APBA2: variants seen among roughly 807,000 people sequenced by gnomAD.
The protein encoded by APBA2 is amyloid-beta A4 precursor protein-binding family A member 2.
Under a neutral mutation model 75.0 loss-of-function variants are expected in APBA2, and 30 were observed. The ratio of observed to expected loss-of-function variants is 0.40; its 90% CI spans 0.30 to 0.54. The LOEUF (loss-of-function observed/expected upper bound fraction) is 0.54. Ranked by LOEUF, APBA2 falls within the 20% of genes least tolerant of loss-of-function variation. The probability of loss-of-function intolerance (pLI) is 0.49; values close to 1 mark genes in which losing one functional copy is unlikely to be tolerated. For missense variants in APBA2, 801 were observed against 1,016.1 expected (o/e 0.79, Z 2.88); for synonymous variants, 444 against 409.6 (o/e 1.08, Z -1.01).
intron 3 of APBA2, among the ~76,000 whole-genome samples, chr15:29,033,619 A>G (rs1029857264): frequency 3.9e-5 from 6 of 152,058 alleles, no homozygotes; most frequent in African/African-American, 1.4e-4. Flanking sequence ...ATACTTAACA[A>G]TGACAGTTTC....
At chr15:28,921,923 A>G (rs1347153438) in intron 2 of APBA2, among the ~76,000 whole-genome samples, 174 bp downstream of exon 2, 1 of 152,220 alleles carries the variant, frequency 6.6e-6, no homozygotes. Context: ...CTGCTTTCAC[A>G]AACTTCACAT....
At chr15:29,070,730 G>C (rs1313725672) in intron 4 of APBA2, 1 of 227,654 alleles carries the variant, frequency 4.4e-6, no homozygotes, top group Non-Finnish European at 8.8e-6. Flanking sequence ...TCTGACCAGG[G>C]GGTCATGCTC....
chr15:29,027,393 C>T (rs1398227925), intron 3 of APBA2, among the ~76,000 whole-genome samples: 2 of 152,150 alleles, frequency 1.3e-5, no homozygotes, highest in East Asian at 3.9e-4. Flanking sequence ...ACATTTCATT[C>T]AGTTAGATTT....
At chr15:28,892,102 T>G in intron 1 of APBA2, among the ~76,000 whole-genome samples, 1 of 151,706 alleles carries the variant, frequency 6.6e-6, no homozygotes, top group African/African-American at 2.4e-5. Flanking sequence ...TGAGACGGAG[T>G]CTCGCCCTGT....
At chr15:28,887,304 T>C (rs1312349448) in intron 1 of APBA2, among the ~76,000 whole-genome samples, 2 of 152,352 alleles carry the variant, frequency 1.3e-5, no homozygotes, top group African/African-American at 2.4e-5. Context: ...CCTGTGCCTC[T>C]TTCTGTTTTT....
intron 2 of APBA2, among the ~76,000 whole-genome samples, chr15:28,982,793 C>T (rs2037694686): frequency 6.6e-6 from 1 of 152,218 alleles, no homozygotes; most frequent in African/African-American, 2.4e-5. Flanking sequence ...AAGTGTTCTT[C>T]CCAAGCTTGG....
Position 29,074,998 on chromosome 15 carries a change from A to T in APBA2, c.1029A>T (p.Pro343=). 1 of 1,613,316 alleles carries T rather than the reference A, an allele frequency of 6.2e-7. No homozygotes were observed. Among genetic ancestry groups the T allele is most frequent in the Non-Finnish European group, 8.5e-7 (1 of 1,179,468 alleles). ...LNGPVDNNNI[P]ETKKVASFPS... is the part of the protein sequence containing the mutation. ...GACCTGTTGACAATAACAACATTCC[A>T]GAGGTAATTTTTTTCAAGGATGAGA... Residue 343 remains proline (P), a synonymous_variant, in exon 5 of 15, where the codon CCA becomes CCT. Transcript: ENST00000683413.
chr15:28,926,860 T>C (rs1343003079), intron 2 of APBA2, among the ~76,000 whole-genome samples: 7 of 148,712 alleles, frequency 4.7e-5, no homozygotes, highest in Non-Finnish European at 7.5e-5. Context: ...TCTCTCTCTT[T>C]TTTTTTTTTT....
intron 1 of APBA2, among the ~76,000 whole-genome samples, chr15:28,887,927 C>T (rs36146710): frequency 0.45 from 67,887 of 151,766 alleles, 15,486 homozygotes; most frequent in Non-Finnish European, 0.47. Context: ...CTGCCGGTCT[C>T]CTGGGCTCCT....
chr15:29,005,406 ACACACCAC>A (rs2039062641), intron 3 of APBA2, among the ~76,000 whole-genome samples: 1 of 152,026 alleles, frequency 6.6e-6, no homozygotes, highest in Admixed American at 6.6e-5. Context: ...GACCTCAGGC[ACACACCAC>A]CACACCCAGC....
intron 14 of APBA2, among the ~76,000 whole-genome samples, chr15:29,115,474 C>A (rs945263496): frequency 2.0e-5 from 3 of 152,088 alleles, no homozygotes; most frequent in African/African-American, 7.2e-5. Context: ...GCCAGTGTTC[C>A]CAAGTAGATG....
At chr15:28,909,909 C>T (rs2152647779) in intron 1 of APBA2, among the ~76,000 whole-genome samples, 1 of 152,274 alleles carries the variant, frequency 6.6e-6, no homozygotes, top group African/African-American at 2.4e-5. Context: ...TGGAAAGCCC[C>T]TCTGCGTGAC....
At chr15:28,907,315 T>A (rs2033180171) in intron 1 of APBA2, among the ~76,000 whole-genome samples, 1 of 152,268 alleles carries the variant, frequency 6.6e-6, no homozygotes, top group South Asian at 2.1e-4. Flanking sequence ...CCTGTGTTTC[T>A]GGATTCTCCA....
chr15:29,042,945 A>G (rs751703305), intron 3 of APBA2, among the ~76,000 whole-genome samples: 4 of 152,138 alleles, frequency 2.6e-5, no homozygotes, highest in Non-Finnish European at 5.9e-5. Context: ...TTGCCCTCTT[A>G]TCTGGACCCT....
chr15:28,901,891 C>T (rs2032876804), intron 1 of APBA2, among the ~76,000 whole-genome samples: 1 of 75,964 alleles, frequency 1.3e-5, no homozygotes, highest in Admixed American at 1.8e-4. Flanking sequence ...CTGGACCCTG[C>T]CCTCGGGGAG....
chr15:29,100,779 C>G (rs1231917035), intron 9 of APBA2, among the ~76,000 whole-genome samples: 1 of 152,226 alleles, frequency 6.6e-6, no homozygotes, highest in Non-Finnish European at 1.5e-5. Context: ...AGGGACCCTT[C>G]TCCAGAGCCA....
intron 6 of APBA2, among the ~76,000 whole-genome samples, chr15:29,086,031 AG>A (rs1210695275): frequency 1.3e-5 from 2 of 152,190 alleles, no homozygotes; most frequent in Non-Finnish European, 2.9e-5. Flanking sequence ...ATGGTAGAAG[AG>A]ATGGGATATG....
intron 2 of APBA2, among the ~76,000 whole-genome samples, chr15:28,945,218 C>A (rs1565406): frequency 0.34 from 51,991 of 152,070 alleles, 15,719 homozygotes; most frequent in African/African-American, 0.8. Flanking sequence ...CTGGTAGAGC[C>A]TAAGTATTCA....
At chr15:28,904,131 T>C (rs1425891482) in intron 1 of APBA2, among the ~76,000 whole-genome samples, 1 of 152,200 alleles carries the variant, frequency 6.6e-6, no homozygotes, top group Non-Finnish European at 1.5e-5. Flanking sequence ...ATGAATTCAT[T>C]CATTGTATTG....
Sources: gnomAD v4.1 joint callset for allele counts (sites outside exome capture counted in the v4.1 genomes callset) on GRCh38, gnomAD v4.1.1 for gene constraint, MANE v1.5 for transcripts, NCBI Gene and HGNC (gene_info 2026-07-23, HGNC 2026-07-21) for gene names.